PLEKHM2: variants seen among roughly 807,000 people sequenced by gnomAD.
The protein encoded by PLEKHM2 is pleckstrin homology domain-containing family M member 2.
PLEKHM2 carries 77 observed loss-of-function variants against 116.3 expected under a neutral mutation model. The ratio of observed to expected loss-of-function variants is 0.66; its 90% CI spans 0.55 to 0.80. The LOEUF is 0.80. Among genes scored for constraint, PLEKHM2 ranks in the 30% least tolerant of loss-of-function variants. The pLI is 0.00. For synonymous variants in PLEKHM2, 562 were observed against 571.0 expected, an observed-to-expected ratio of 0.98 and a Z score of 0.22; for missense variants, 1,183 against 1,354.9, an observed-to-expected ratio of 0.87 and a Z score of 1.99.
At chr1:15,682,237 T>C (rs1042088682), upstream of PLEKHM2, among the ~76,000 whole-genome samples, 4 of 150,914 alleles carry the variant, frequency 2.7e-5, no homozygotes, top group African/African-American at 9.8e-5. Context: ...TCACCTGAGG[T>C]CAGGAGTTCA....
chr1:15,716,951 G>A lies in PLEKHM2; in HGVS notation c.277+135G>A, dbSNP rs1641459583. 2.8e-6 allele frequency: 3 copies of A among 1,084,982 alleles called. No individual in the cohort carries two copies. In the East Asian group the frequency reaches 8.0e-5, roughly 29 times the overall value. 67.2% of individuals were successfully genotyped at this position (1,084,982 alleles called of 1,614,324 possible). A position where few individuals can be genotyped will look rare whatever the true frequency, so the allele number is the denominator to read the frequency against. On this transcript the variant is annotated intron_variant, in intron 3 of 19. Coordinates refer to ENST00000375799, the MANE Select transcript of PLEKHM2 (RefSeq NM_015164.4). The stretch of plus-strand genomic sequence containing the variant: ...CCTGGTGGTGTCCAGTAGCAGTGGG[G>A]TGTTAAAATGCCAGCACCAGGCCAG...
intron 3 of PLEKHM2, 97 bp from the exon 4 acceptor site, chr1:15,717,796 A>T: frequency 2.6e-6 from 2 of 770,672 alleles, no homozygotes; most frequent in Non-Finnish European, 4.4e-6. Context: ...GCCTGGTCCC[A>T]TTACCTGCTC....
rs1050064768 is a variant in PLEKHM2, at chr1:15,728,224, G to A, written c.1831-43G>A. ...GATGGGCCACCGCCCCCGCTGGAGC[G>A]GCAGGAGCCACCTGCCTGACCCTTG... On this transcript the variant is annotated intron_variant, in intron 10 of 19. Transcript: ENST00000375799. This position sits in a 1 kb window ranked among gnomAD's most constrained non-coding sequence, Gnocchi z 5.9. 3 of 1,607,182 alleles carry A rather than the reference G, an allele frequency of 1.9e-6. No individual in the cohort carries two copies. Among genetic ancestry groups the A allele is most frequent in the Admixed American group, 1.7e-5 (1 of 59,748 alleles).
chr1:15,729,969 T>C lies in PLEKHM2; in HGVS notation c.2208+40T>C. Reference sequence around the variant, plus strand: ...AGGAAGCTGAGTGCAGCCCCTGAGATGGCAGAGCAGCAGCCGCCTTGGCGT... The same window carrying C: ...AGGAAGCTGAGTGCAGCCCCTGAGACGGCAGAGCAGCAGCCGCCTTGGCGT... On this transcript the variant is annotated intron_variant, in intron 14 of 19. Coordinates refer to ENST00000375799, the MANE Select transcript of PLEKHM2 (RefSeq NM_015164.4). The surrounding 1 kb of genome is among the most constrained non-coding windows in gnomAD (Gnocchi z 4.7). 3.3e-6 allele frequency: 5 copies of C among 1,525,072 alleles called. No individual in the cohort carries two copies. The highest frequency in any genetic ancestry group is 4.4e-6 in the Non-Finnish European group (5 of 1,130,988). The allele number at this position is 1,525,072 out of a possible 1,614,324, so 94.5% of individuals were successfully genotyped here.
intron 1 of PLEKHM2, among the ~76,000 whole-genome samples, chr1:15,689,391 C>CTTAAGAGGGACCTGTCTT (rs1553157454): frequency 2.0e-5 from 3 of 152,150 alleles, no homozygotes; most frequent in African/African-American, 7.2e-5. Context: ...CGTGACCTGT[C>CTTAAGAGGGACCTGTCTT]TTAAGAGGGA....
intron 1 of PLEKHM2, among the ~76,000 whole-genome samples, chr1:15,697,254 A>G (rs1641016579): frequency 6.6e-6 from 1 of 152,236 alleles, no homozygotes; most frequent in Non-Finnish European, 1.5e-5. Flanking sequence ...TCCCAGCAGT[A>G]GAAGAATGGA....
intron 8 of PLEKHM2, 38 bp from the exon 9 acceptor site, chr1:15,726,976 C>A: frequency 7.2e-7 from 1 of 1,381,772 alleles, no homozygotes; most frequent in Non-Finnish European, 9.6e-7. Flanking sequence ...CACTGGACTA[C>A]TCAGGGGTTA....
intron 15 of PLEKHM2, among the ~76,000 whole-genome samples, 162 bp downstream of exon 15, chr1:15,730,884 G>A (rs190345881): frequency 6.3e-4 from 96 of 152,318 alleles, no homozygotes; most frequent in African/African-American, 2.3e-3. Context: ...AGCTCAGGCT[G>A]TTAGAGCTTC....
chr1:15,719,123 C>T lies in PLEKHM2; in HGVS notation c.465+498C>T, dbSNP rs1641507277. 6.6e-6 allele frequency among the ~76,000 whole-genome samples: 1 copy of T among 152,162 alleles called. No homozygotes were observed. The highest frequency in any genetic ancestry group is 2.4e-5 in the African/African-American group (1 of 41,444). The stretch of plus-strand genomic sequence containing the variant: ...TCCCAGGCACCTCTTGGACTGGGCT[C>T]AAAATGGATGCAGCTGCCCCGTCCT... On this transcript the variant is annotated intron_variant, in intron 5 of 19. Transcript: ENST00000375799. This position sits in a 1 kb window ranked among gnomAD's most constrained non-coding sequence, Gnocchi z 4.1.
At position 15,721,253 on chromosome 1, in the gene PLEKHM2, T is replaced by C; in HGVS notation, c.653-76T>C. ...TTTTCTCCCCATGTCTCCCACCCCA[T>C]TTCCCCTCCCCTCCCTCCAGTCATC... On this transcript the variant is annotated intron_variant, in intron 6 of 19. Transcript: ENST00000375799. The surrounding 1 kb of genome is among the most constrained non-coding windows in gnomAD (Gnocchi z 5.1). The C allele has an allele frequency of 7.1e-6, 4 of 559,990 alleles. No individual in the cohort carries two copies. Among genetic ancestry groups the C allele is most frequent in the Non-Finnish European group, 1.4e-5 (4 of 293,504 alleles). The allele number at this position is 559,990 out of a possible 1,614,324, so 34.7% of individuals were successfully genotyped here. A position where few individuals can be genotyped will look rare whatever the true frequency, so the allele number is the denominator to read the frequency against.
chr1:15,697,565 T>A (rs1163268307), intron 1 of PLEKHM2, among the ~76,000 whole-genome samples: 2 of 152,222 alleles, frequency 1.3e-5, no homozygotes, highest in African/African-American at 4.8e-5. Context: ...CAGCTGTCAT[T>A]TTTCCTACAC....
At chr1:15,692,147 A>C (rs1209627219) in intron 1 of PLEKHM2, among the ~76,000 whole-genome samples, 1 of 151,988 alleles carries the variant, frequency 6.6e-6, no homozygotes, top group African/African-American at 2.4e-5. Flanking sequence ...GGGGTAGCTC[A>C]TTCCTGGAGA....
chr1:15,724,241 T>G (rs2068031403), intron 7 of PLEKHM2, among the ~76,000 whole-genome samples: 1 of 152,034 alleles, frequency 6.6e-6, no homozygotes, highest in African/African-American at 2.4e-5. Context: ...TCCCAGCATT[T>G]TGGGAGGCCG....
intron 5 of PLEKHM2, 53 bp downstream of exon 5, chr1:15,718,678 G>T (rs528186010): frequency 7.8e-6 from 7 of 894,320 alleles, no homozygotes; most frequent in South Asian, 1.4e-5. Context: ...GGGGCAGGGT[G>T]GGGGCAGGGT....
chr1:15,706,206 G>A (rs1166844075), intron 1 of PLEKHM2, among the ~76,000 whole-genome samples: 1 of 152,132 alleles, frequency 6.6e-6, no homozygotes, highest in Non-Finnish European at 1.5e-5. Flanking sequence ...CGCACGGCCT[G>A]TGTGGCTGTG....
chr1:15,682,079 T>C (rs1490949882), upstream of PLEKHM2, among the ~76,000 whole-genome samples: 2 of 151,996 alleles, frequency 1.3e-5, no homozygotes, highest in African/African-American at 4.8e-5. Flanking sequence ...TATTCTGTAC[T>C]CTCAGCTACT....
At chr1:15,724,350 G>A (rs2068033145) in intron 7 of PLEKHM2, among the ~76,000 whole-genome samples, 2 of 152,250 alleles carry the variant, frequency 1.3e-5, no homozygotes, top group Admixed American at 1.3e-4. Flanking sequence ...GGGCATGGTG[G>A]CGCATGCCTG....
rs114779737 is a variant in PLEKHM2, at chr1:15,717,687, T to G, written c.278-206T>G. 9.5e-3 allele frequency among the ~76,000 whole-genome samples: 1,448 copies of G among 152,270 alleles called. 25 individuals are homozygous for G. The highest frequency in any genetic ancestry group is 0.033 in the African/African-American group (1,374 of 41,548). ...GTCTGAAGTGTGCAGTCTGCCCTCT[T>G]TATCAGAATTTCCTGGCCAGCTACA... On this transcript the variant is annotated intron_variant, in intron 3 of 19. Coordinates refer to ENST00000375799, the MANE Select transcript of PLEKHM2 (RefSeq NM_015164.4).
In PLEKHM2 at chr1:15,684,379, AGCGAGGGCCCAGGCGAG is replaced by A. The variant is rs1214473932; in HGVS notation, c.-170_-154del. The A allele has an allele frequency of 1.2e-5, 2 of 167,582 alleles. No individual in the cohort carries two copies. Among genetic ancestry groups the A allele is most frequent in the Non-Finnish European group, 2.3e-5 (2 of 87,132 alleles). 10.4% of individuals were successfully genotyped at this position (167,582 alleles called of 1,614,324 possible). A position where few individuals can be genotyped will look rare whatever the true frequency, so the allele number is the denominator to read the frequency against. On this transcript the variant is annotated 5_prime_UTR_variant, in exon 1 of 20. Transcript: ENST00000375799. ...CTCCGGAGCCTCCGGGCCGCGGTGG[AGCGAGGGCCCAGGCGAG>A]GCGAGGGCCGGGCGGCGGGCGCCGG...
Sources: allele counts gnomAD v4.1 joint callset (sites outside exome capture counted in the v4.1 genomes callset), GRCh38; gene constraint gnomAD v4.1.1; non-coding constraint Gnocchi (gnomAD v3.1); transcripts MANE v1.5; gene names NCBI Gene and HGNC (gene_info 2026-07-23, HGNC 2026-07-21).